The following NOC4L variants were observed in gnomAD, a reference collection of about 807,000 sequenced individuals.
The protein encoded by NOC4L is nucleolar complex protein 4 homolog.
Under a neutral mutation model 62.8 loss-of-function variants are expected in NOC4L, and 40 were observed. That is an observed-to-expected ratio of 0.64 (90% confidence interval 0.49 to 0.83). The LOEUF (loss-of-function observed/expected upper bound fraction) is 0.83. Among genes scored for constraint, NOC4L ranks in the 40% least tolerant of loss-of-function variants. The pLI, the probability that NOC4L is intolerant of heterozygous loss-of-function variation, is 0.00. For synonymous variants in NOC4L, 433 were observed against 299.8 expected (o/e 1.44, Z -4.59); for missense variants, 927 against 701.9 (o/e 1.32, Z -3.62).
rs374348236 is a variant in NOC4L, at chr12:132,152,109, A to C, written c.1343A>C (p.Glu448Ala). Reference protein sequence around the residue: ...LQALQRHYHPEVSKAASVINQ... With the variant: ...LQALQRHYHPAVSKAASVINQ... The stretch of plus-strand genomic sequence containing the variant: ...GCCCTCCAGCGCCACTACCACCCTG[A>C]GGTGTCCAAAGCCGCCAGCGTCATC... The change falls in exon 14 of 15, where the codon GAG becomes GCG. Residue 448 changes from glutamate (E) to alanine (A), a missense_variant. Glu to Ala is a moderately radical substitution (Grantham distance 107). Transcript: ENST00000330579. 66 of 1,610,298 alleles carry C rather than the reference A, an allele frequency of 4.1e-5. No individual in the cohort carries two copies. The highest frequency in any genetic ancestry group is 5.3e-5 in the Non-Finnish European group (62 of 1,178,894).
intron 11 of NOC4L, 46 bp from the exon 12 acceptor site, chr12:132,151,438 G>T: frequency 6.2e-7 from 1 of 1,600,666 alleles, no homozygotes; most frequent in Non-Finnish European, 8.5e-7. Context: ...GAGGGTGGTG[G>T]GGGCTAGCAG....
intron 3 of NOC4L, chr12:132,146,250 T>C (rs1035993149): frequency 6.6e-6 from 3 of 455,898 alleles, no homozygotes; most frequent in African/African-American, 6.0e-5. Flanking sequence ...ACGCTCCTCA[T>C]AAGGGGGATC....
chr12:132,145,544 C>G lies in NOC4L; in HGVS notation c.239-15C>G, dbSNP rs555486528. 2.5e-6 allele frequency: 4 copies of G among 1,595,742 alleles called. No homozygotes were observed. The Admixed American group carries it at 5.0e-5, about 20-fold the overall frequency. ...GTGGGCCTCACGTGGGCTGACCACC[C>G]TAACCTGTCTGCAGGGTCCCAGGGA... On this transcript the variant is annotated splice_polypyrimidine_tract_variant and intron_variant, in intron 2 of 14. Coordinates refer to ENST00000330579, the MANE Select transcript of NOC4L (RefSeq NM_024078.3).
At chr12:132,148,687 G>GGGCGGC (rs1565959934) in intron 8 of NOC4L, 28 bp downstream of exon 8, 1 of 1,535,630 alleles carries the variant, frequency 6.5e-7, no homozygotes, top group Non-Finnish European at 8.8e-7. Flanking sequence ...GAGGGGGCGG[G>GGGCGGC]GGCGGCATCC....
intron 2 of NOC4L, among the ~76,000 whole-genome samples, chr12:132,145,276 C>T (rs1897666744): frequency 6.6e-6 from 1 of 152,182 alleles, no homozygotes; most frequent in Non-Finnish European, 1.5e-5. Flanking sequence ...CTTTATGTCC[C>T]CATCCTGGGG....
chr12:132,151,267 T>C lies in NOC4L; in HGVS notation c.972T>C (p.Pro324=), dbSNP rs1329435046. 6.2e-7 allele frequency: 1 copy of C among 1,611,668 alleles called. No homozygotes were observed. Among genetic ancestry groups the C allele is most frequent in the South Asian group, 1.1e-5 (1 of 91,084 alleles). The change falls in exon 11 of 15, where the codon CCT becomes CCC. Residue 324 remains proline, a synonymous_variant. Coordinates refer to ENST00000330579, the MANE Select transcript of NOC4L (RefSeq NM_024078.3). ...ILIHKHNLEY[P]DFYRKLYGLL... is the part of the protein sequence containing the mutation. ...TCCCCCCGGCCCGCAGGGAGTACCC[T>C]GACTTCTACCGGAAGCTCTACGGCC... is the stretch of plus-strand genomic sequence containing the variant.
chr12:132,144,773 A>C, intron 1 of NOC4L, 81 bp from the exon 2 acceptor site: 8 of 1,509,008 alleles, frequency 5.3e-6, no homozygotes, highest in Non-Finnish European at 7.1e-6. Context: ...CCGAGGGGGA[A>C]GGGAACGGGT....
chr12:132,148,938 CG>C, intron 9 of NOC4L, 43 bp downstream of exon 9: 1 of 480,566 alleles, frequency 2.1e-6, no homozygotes, highest in South Asian at 2.5e-5. Flanking sequence ...CTAATCCCCT[CG>C]GTGAGTGCCG....
chr12:132,145,542 C>CCCTA lies in NOC4L; in HGVS notation c.239-16_239-13dup, dbSNP rs781733058. 3 of 1,591,844 alleles carry CCCTA rather than the reference C, an allele frequency of 1.9e-6. No homozygotes were observed. The African/African-American group carries it at 4.0e-5, about 21-fold the overall frequency. ...ATGTGGGCCTCACGTGGGCTGACCACCCTAACCTGTCTGCAGGGTCCCAGG... is the reference window on the plus strand; with the variant it reads ...ATGTGGGCCTCACGTGGGCTGACCACCCTACCTAACCTGTCTGCAGGGTCCCAGG... On this transcript the variant is annotated splice_polypyrimidine_tract_variant and intron_variant, in intron 2 of 14. Coordinates refer to ENST00000330579, the MANE Select transcript of NOC4L (RefSeq NM_024078.3).
intron 6 of NOC4L, 27 bp downstream of exon 6, chr12:132,148,006 A>G (rs764266929): frequency 3.2e-5 from 52 of 1,612,576 alleles, no homozygotes; most frequent in African/African-American, 5.3e-5. Flanking sequence ...TCAGGGGCGG[A>G]CAGGGCTGAG....
At chr12:132,148,471 G>A (rs1472363621) in intron 7 of NOC4L, 138 bp from the exon 8 acceptor site, 1 of 936,768 alleles carries the variant, frequency 1.1e-6, no homozygotes, top group Non-Finnish European at 1.6e-6. Context: ...AATGGGGACA[G>A]GAAGAAGGAA....
Position 132,150,993 on chromosome 12 carries a change from G to A in NOC4L, c.914G>A (p.Ser305Asn), listed in dbSNP as rs1378803879. ...TGTCTGTCTGCAGGGGGGGCCCTCA[G>A]CCTCTTGGCCTTGAACGGGCTGTTC... ...TRACDLGGALSLLALNGLFIL... is the reference protein window; with the variant it reads ...TRACDLGGALNLLALNGLFIL... Residue 305 changes from serine to asparagine, a missense_variant, in exon 10 of 15, where the codon AGC (serine) becomes AAC (asparagine). By Grantham distance (46) the Ser-to-Asn change is conservative. Coordinates refer to ENST00000330579, the MANE Select transcript of NOC4L (RefSeq NM_024078.3). The A allele has an allele frequency of 1.2e-6, 2 of 1,610,094 alleles. No homozygotes were observed. The highest frequency in any genetic ancestry group is 1.3e-5 in the African/African-American group (1 of 75,004).
chr12:132,152,065 A>T lies in NOC4L; in HGVS notation c.1318-19A>T. ...CGGGGGCCTGGGGCAGCTGCCTCTT[A>T]ACGGCCCTACTGCCCCAGGCCCTCC... On this transcript the variant is annotated intron_variant, in intron 13 of 14. Coordinates refer to ENST00000330579, the MANE Select transcript of NOC4L (RefSeq NM_024078.3). 1 of 1,578,298 alleles carries T rather than the reference A, an allele frequency of 6.3e-7. No individual in the cohort carries two copies. The highest frequency in any genetic ancestry group is 1.1e-5 in the South Asian group (1 of 89,642).
At position 132,145,558 on chromosome 12, in the gene NOC4L, G is replaced by C; in HGVS notation, c.239-1G>C. On this transcript the variant is annotated splice_acceptor_variant, in intron 2 of 14. Transcript: ENST00000330579. LOFTEE classifies it high-confidence loss of function. ...GGCTGACCACCCTAACCTGTCTGCA[G>C]GGTCCCAGGGAGCCACACGGAAGTA... The C allele has an allele frequency of 6.2e-7, 1 of 1,609,660 alleles. No homozygotes were observed. Among genetic ancestry groups the C allele is most frequent in the Non-Finnish European group, 8.5e-7 (1 of 1,177,310 alleles).
At chr12:132,150,889 G>A (rs1593431874) in intron 9 of NOC4L, 92 bp from the exon 10 acceptor site, 1 of 922,244 alleles carries the variant, frequency 1.1e-6, no homozygotes, top group Non-Finnish European at 1.7e-6. Flanking sequence ...CAGGGGCAGA[G>A]GCCACACTCC....
chr12:132,148,125 G>C lies in NOC4L; in HGVS notation c.738+19G>C, dbSNP rs1009945089. ...CCTGAAGGTGAGTTGCTTCTGGAGA[G>C]CCGGGCACCCTCCCGGGTTTGGGGG... On this transcript the variant is annotated intron_variant, in intron 7 of 14. Coordinates refer to ENST00000330579, the MANE Select transcript of NOC4L (RefSeq NM_024078.3). 3.3e-5 allele frequency: 54 copies of C among 1,612,734 alleles called. No individual in the cohort carries two copies. The highest frequency in any genetic ancestry group is 4.2e-5 in the Non-Finnish European group (50 of 1,179,864).
rs1897817931 is a variant in NOC4L, at chr12:132,148,655, A to G, written c.785A>G (p.His262Arg). The change falls in exon 8 of 15, where the codon CAC (histidine) becomes CGC (arginine). Residue 262 changes from histidine to arginine, a missense_variant. By Grantham distance (29) the His-to-Arg change is conservative. Coordinates refer to ENST00000330579, the MANE Select transcript of NOC4L (RefSeq NM_024078.3). Reference sequence around the variant, plus strand: ...GCCATGTGGCTCAGCTTCCTCAAGCACAAGGTAGGGGCCAGGCCGGGGAGG... The same window carrying G: ...GCCATGTGGCTCAGCTTCCTCAAGCGCAAGGTAGGGGCCAGGCCGGGGAGG... ...FQAMWLSFLK[H>R]KLPLSLYKKV... The G allele has an allele frequency of 1.9e-6, 3 of 1,540,628 alleles. No individual in the cohort carries two copies. The highest frequency in any genetic ancestry group is 2.6e-6 in the Non-Finnish European group (3 of 1,139,566).
rs748264070 is a variant in NOC4L at position 132,151,576 on chromosome 12, C to T, written c.1166C>T (p.Pro389Leu). ...APPEALLMVL[P>L]FICNLLRRHP... is the part of the protein sequence containing the mutation. ...CCTGAGGCCCTGCTCATGGTCCTGC[C>T]TTTCATCTGTAACCTGCTGCGCCGG... Residue 389 changes from proline (P) to leucine (L), a missense_variant, in exon 12 of 15, where the codon CCT becomes CTT. Pro to Leu is a moderately conservative substitution (Grantham distance 98, BLOSUM62 -3). Transcript: ENST00000330579. The T allele has an allele frequency of 1.9e-6, 3 of 1,611,170 alleles. No homozygotes were observed. The highest frequency in any genetic ancestry group is 2.5e-6 in the Non-Finnish European group (3 of 1,179,448).
chr12:132,148,718 G>A (rs1897821964), intron 8 of NOC4L, 59 bp downstream of exon 8: 5 of 1,466,192 alleles, frequency 3.4e-6, no homozygotes, highest in Non-Finnish European at 4.6e-6. Context: ...CAGGGCGGAG[G>A]CCTCACCCCG....
Sources: gnomAD v4.1 joint callset for allele counts (sites outside exome capture counted in the v4.1 genomes callset) on GRCh38, gnomAD v4.1.1 for gene constraint, MANE v1.5 for transcripts, NCBI Gene and HGNC (gene_info 2026-07-23, HGNC 2026-07-21) for gene names.